Variants in CCDC122 observed in about 807,000 individuals in gnomAD.
CCDC122 encodes coiled-coil domain-containing protein 122.
CCDC122 carries 38 observed loss-of-function variants against 37.0 expected under a neutral mutation model. That is an observed-to-expected ratio of 1.03 (90% confidence interval 0.79 to 1.35). The LOEUF (loss-of-function observed/expected upper bound fraction) is 1.35. Among genes scored for constraint, CCDC122 ranks in the 40% most tolerant of loss-of-function variants. The pLI, the probability that CCDC122 is intolerant of heterozygous loss-of-function variation, is 0.00. For missense variants in CCDC122, 305 were observed against 310.0 expected (o/e 0.98, Z 0.12); for synonymous variants, 83 against 95.6 (o/e 0.87, Z 0.77).
chr13:43,862,702 G>T (rs1196144498), intron 4 of CCDC122, among the ~76,000 whole-genome samples: 1 of 152,082 alleles, frequency 6.6e-6, no homozygotes, highest in Non-Finnish European at 1.5e-5. Flanking sequence ...GTGAATGACT[G>T]ATGCACAACC....
chr13:43,821,022 T>C (rs757754040), downstream of CCDC122, among the ~76,000 whole-genome samples: 3 of 152,230 alleles, frequency 2.0e-5, no homozygotes, highest in Admixed American at 6.5e-5. Flanking sequence ...TCAAATGTCT[T>C]ATTCCATATG....
intron 6 of CCDC122, among the ~76,000 whole-genome samples, chr13:43,857,641 G>A (rs1253643265): frequency 6.6e-6 from 1 of 151,896 alleles, no homozygotes; most frequent in Non-Finnish European, 1.5e-5. Flanking sequence ...GGTGGCTCAC[G>A]CCTGTAATCC....
At position 43,869,469 on chromosome 13, in the gene CCDC122, T is replaced by G. The variant is rs1954380947; in HGVS notation, c.-93A>C. ...TTGATAATCTTTCACTTTTGTTTTTTCCTGTTGTATATTGGTGATCCTGAA... is the reference window on the plus strand; with the variant it reads ...TTGATAATCTTTCACTTTTGTTTTTGCCTGTTGTATATTGGTGATCCTGAA... On this transcript the variant is annotated 5_prime_UTR_variant, in exon 3 of 7. Transcript: ENST00000444614. 4.9e-6 allele frequency: 5 copies of G among 1,013,420 alleles called. No individual in the cohort carries two copies. Among genetic ancestry groups the G allele is most frequent in the Non-Finnish European group, 2.9e-6 (2 of 678,788 alleles). The allele number at this position is 1,013,420 out of a possible 1,614,324, so 62.8% of individuals were successfully genotyped here. A position where few individuals can be genotyped will look rare whatever the true frequency, so the allele number is the denominator to read the frequency against.
At chr13:43,833,234 T>G (rs573803356), downstream of CCDC122, among the ~76,000 whole-genome samples, 5 of 152,174 alleles carry the variant, frequency 3.3e-5, no homozygotes, top group East Asian at 1.9e-4. Flanking sequence ...AACTGTGGGG[T>G]TTTTTTCCCT....
chr13:43,830,453 T>G (rs1953079311), intron 3 of CCDC122, among the ~76,000 whole-genome samples: 1 of 152,016 alleles, frequency 6.6e-6, no homozygotes, highest in African/African-American at 2.4e-5. Flanking sequence ...CCAGAGAAAT[T>G]AGTAAGGGAA....
At chr13:43,829,342 A>G (rs533236878) in intron 3 of CCDC122, among the ~76,000 whole-genome samples, 4 of 152,124 alleles carry the variant, frequency 2.6e-5, no homozygotes, top group African/African-American at 9.6e-5. Flanking sequence ...GTCTTGCTCT[A>G]TCACCCAGGC....
At chr13:43,877,404 T>TA (rs1018799599) in intron 1 of CCDC122, among the ~76,000 whole-genome samples, 40 of 152,230 alleles carry the variant, frequency 2.6e-4, no homozygotes, top group African/African-American at 8.9e-4. Flanking sequence ...TTTTTTCTTA[T>TA]AAAAAAAGCC....
intron 6 of CCDC122, chr13:43,856,383 C>T (rs912068965): frequency 6.6e-6 from 1 of 152,364 alleles, no homozygotes; most frequent in African/African-American, 2.4e-5. Context: ...GTAATCCCAA[C>T]ACTTTGGGAG....
chr13:43,870,322 T>G (rs1407057848), intron 2 of CCDC122, among the ~76,000 whole-genome samples: 1 of 152,154 alleles, frequency 6.6e-6, no homozygotes, highest in East Asian at 1.9e-4. Context: ...TCCCTGATGC[T>G]GAGCTATTCA....
chr13:43,828,865 G>C (rs542083808), intron 3 of CCDC122, among the ~76,000 whole-genome samples: 9 of 152,182 alleles, frequency 5.9e-5, no homozygotes, highest in African/African-American at 1.9e-4. Flanking sequence ...ATGACATTTT[G>C]CAGCAGTTTT....
intron 6 of CCDC122, chr13:43,855,681 AT>A (rs59894025): frequency 0.35 from 52,375 of 150,388 alleles, 9,202 homozygotes; most frequent in South Asian, 0.41. Flanking sequence ...AAGTAAAAAA[AT>A]AAAACAAAAC....
In CCDC122 at chr13:43,874,879, G is replaced by A. The variant is rs1278862665; in HGVS notation, c.-151C>T. ...AGTACCGCTGAATCTGCTGACACTA[G>A]GGATTACTTCCTTTTCTGGCCAGGC... is the stretch of plus-strand genomic sequence containing the variant. On this transcript the variant is annotated 5_prime_UTR_variant, in exon 2 of 7. Transcript: ENST00000444614. 6.6e-6 allele frequency: 1 copy of A among 152,250 alleles called. No homozygotes were observed. Among genetic ancestry groups the A allele is most frequent in the Admixed American group, 6.5e-5 (1 of 15,272 alleles). 9.4% of individuals were successfully genotyped at this position (152,250 alleles called of 1,614,324 possible).
At chr13:43,848,418 CT>C (rs751929859) in intron 6 of CCDC122, among the ~76,000 whole-genome samples, 385 of 145,282 alleles carry the variant, frequency 2.7e-3, no homozygotes, top group East Asian at 8.8e-3. Context: ...GGAAATAACA[CT>C]TTTTTTTTTT....
intron 6 of CCDC122, among the ~76,000 whole-genome samples, chr13:43,839,037 GA>G (rs1292028610): frequency 2.6e-5 from 4 of 152,188 alleles, no homozygotes; most frequent in Non-Finnish European, 4.4e-5. Flanking sequence ...TCCGTTTCAA[GA>G]GATATCTTGT....
chr13:43,832,806 C>CA (rs1953102536), downstream of CCDC122, among the ~76,000 whole-genome samples: 1 of 152,114 alleles, frequency 6.6e-6, no homozygotes, highest in Non-Finnish European at 1.5e-5. Context: ...AAATCTTAGG[C>CA]AAGTTACTCA....
chr13:43,879,116 G>A (rs536581714), intron 1 of CCDC122, among the ~76,000 whole-genome samples: 31 of 152,186 alleles, frequency 2.0e-4, no homozygotes, highest in African/African-American at 7.5e-4. Flanking sequence ...CAGCTCGCTT[G>A]GGAAACGGCT....
chr13:43,861,078 G>A (rs1176474559), intron 4 of CCDC122, among the ~76,000 whole-genome samples: 1 of 152,196 alleles, frequency 6.6e-6, no homozygotes, highest in Non-Finnish European at 1.5e-5. Context: ...GATCTTGATT[G>A]AATCTGCCCA....
chr13:43,835,861 C>T (rs535257947), downstream of CCDC122, among the ~76,000 whole-genome samples: 1 of 152,300 alleles, frequency 6.6e-6, no homozygotes, highest in East Asian at 1.9e-4. Context: ...GTACTCCCCA[C>T]AATCTGTAGG....
At chr13:43,819,944 A>G (rs2153867234), downstream of CCDC122, among the ~76,000 whole-genome samples, 1 of 104,364 alleles carries the variant, frequency 9.6e-6, no homozygotes, top group East Asian at 2.4e-4. Flanking sequence ...CATAAGGACA[A>G]AAAGACCCAA....
Sources: gnomAD v4.1 joint callset for allele counts (sites outside exome capture counted in the v4.1 genomes callset) on GRCh38, gnomAD v4.1.1 for gene constraint, MANE v1.5 for transcripts, NCBI Gene and HGNC (gene_info 2026-07-23, HGNC 2026-07-21) for gene names.